Variants in KCNB2 observed in about 807,000 individuals in gnomAD.
KCNB2 encodes delayed rectifier potassium channel protein.
A neutral mutation model predicts 61.5 loss-of-function variants in KCNB2; 15 were observed. The observed-to-expected ratio is 0.24, with a 90% confidence interval of 0.16 to 0.38. KCNB2 has a LOEUF of 0.38. Among genes scored for constraint, KCNB2 ranks in the 10% least tolerant of loss-of-function variants. KCNB2 has a pLI of 1.00. For missense variants in KCNB2, 828 were observed against 1,125.2 expected (o/e 0.74, Z 3.78); for synonymous variants, 457 against 446.0 (o/e 1.02, Z -0.31).
At chr8:72,677,329 C>T (rs1461908703) in intron 2 of KCNB2, among the ~76,000 whole-genome samples, 1 of 152,106 alleles carries the variant, frequency 6.6e-6, no homozygotes, top group East Asian at 1.9e-4. Flanking sequence ...GTTAAAGCAG[C>T]CCTGGGAATC....
chr8:72,937,040 A>G lies in KCNB2; in HGVS notation c.1685A>G (p.Glu562Gly). Reference protein sequence around the residue: ...PHSHPNPDCQEKPERPSAYEE... With the variant: ...PHSHPNPDCQGKPERPSAYEE... ...TCTCACCCAAACCCAGACTGCCAAG[A>G]AAAGCCTGAGAGGCCATCTGCATAT... is the stretch of plus-strand genomic sequence containing the variant. Residue 562 changes from glutamate (E) to glycine (G), a missense_variant, in exon 3 of 3, where the codon GAA becomes GGA. Around this residue, in one of 4 missense-constraint regions of KCNB2, gnomAD observed 559 missense variants for 588.4 expected, o/e 0.95. Coordinates refer to ENST00000523207, the MANE Select transcript of KCNB2 (RefSeq NM_004770.3). 6.2e-7 allele frequency: 1 copy of G among 1,614,148 alleles called. No individual in the cohort carries two copies. Among genetic ancestry groups the G allele is most frequent in the Non-Finnish European group, 8.5e-7 (1 of 1,180,018 alleles).
chr8:72,576,762 T>C (rs994365292), intron 2 of KCNB2, among the ~76,000 whole-genome samples: 2 of 152,182 alleles, frequency 1.3e-5, no homozygotes, highest in Non-Finnish European at 2.9e-5. Context: ...ATGATCACTT[T>C]AGAGTTTATA....
At chr8:72,914,000 T>C (rs556059611) in intron 2 of KCNB2, among the ~76,000 whole-genome samples, 92 of 152,288 alleles carry the variant, frequency 6.0e-4, no homozygotes, top group Non-Finnish European at 9.3e-4. Context: ...CTGCAACAAA[T>C]ACCATATACT....
At chr8:72,748,986 T>A (rs1808135180) in intron 2 of KCNB2, among the ~76,000 whole-genome samples, 1 of 152,152 alleles carries the variant, frequency 6.6e-6, no homozygotes. Flanking sequence ...TTGTACCCTT[T>A]GACCAACACC....
At chr8:72,829,677 G>A (rs1227942309) in intron 2 of KCNB2, among the ~76,000 whole-genome samples, 2 of 152,084 alleles carry the variant, frequency 1.3e-5, no homozygotes, top group Non-Finnish European at 2.9e-5. Flanking sequence ...TGCAGCCTGG[G>A]TTTGGTGCTT....
At chr8:72,865,055 G>A (rs1027619316) in intron 2 of KCNB2, among the ~76,000 whole-genome samples, 2 of 152,086 alleles carry the variant, frequency 1.3e-5, no homozygotes, top group Non-Finnish European at 2.9e-5. Context: ...ACTCTCCTGG[G>A]AGAGGCCTTT....
rs1807620341 is a variant in KCNB2, at chr8:72,725,527, A to ATATATGTG, written c.579+157219_579+157220insGTGTATAT. 2.0e-3 allele frequency among the ~76,000 whole-genome samples: 183 copies of ATATATGTG among 90,950 alleles called. 1 individual carries two copies. Among genetic ancestry groups the ATATATGTG allele is most frequent in the African/African-American group, 8.2e-3 (174 of 21,132 alleles). 59.7% of individuals were successfully genotyped at this position (90,950 alleles called of 152,430 possible). A position where few individuals can be genotyped will look rare whatever the true frequency, so the allele number is the denominator to read the frequency against. On this transcript the variant is annotated intron_variant, in intron 2 of 2. Coordinates refer to ENST00000523207, the MANE Select transcript of KCNB2 (RefSeq NM_004770.3). ...TTTGTCTTCATATATATATATATAT[A>ATATATGTG]TATATATATATATGTGTGTATATAT... is the stretch of plus-strand genomic sequence containing the variant.
chr8:72,579,557 C>T (rs966453016), intron 2 of KCNB2, among the ~76,000 whole-genome samples: 14 of 152,248 alleles, frequency 9.2e-5, no homozygotes, highest in Non-Finnish European at 1.8e-4. Flanking sequence ...GATTCTTCAC[C>T]CACCCTCTGC....
intron 2 of KCNB2, among the ~76,000 whole-genome samples, chr8:72,832,533 C>T (rs146348391): frequency 5.9e-5 from 9 of 152,192 alleles, no homozygotes; most frequent in African/African-American, 2.2e-4. Flanking sequence ...AAAATTAAAG[C>T]AGTACCAGAG....
chr8:72,748,360 C>T (rs550887102), intron 2 of KCNB2, among the ~76,000 whole-genome samples: 1 of 152,264 alleles, frequency 6.6e-6, no homozygotes, highest in South Asian at 2.1e-4. Context: ...CTTCAACAGA[C>T]CTCCCAACCT....
chr8:72,544,629 C>T (rs1244609213), intron 1 of KCNB2, among the ~76,000 whole-genome samples: 1 of 152,132 alleles, frequency 6.6e-6, no homozygotes, highest in Non-Finnish European at 1.5e-5. Context: ...TTCCACCTCC[C>T]AATACAGGTC....
chr8:72,652,579 C>T (rs1806229099), intron 2 of KCNB2, among the ~76,000 whole-genome samples: 1 of 152,112 alleles, frequency 6.6e-6, no homozygotes, highest in Non-Finnish European at 1.5e-5. Context: ...CTATAAATCT[C>T]ACTAAGATCT....
chr8:72,800,377 G>A (rs1050112618), intron 2 of KCNB2, among the ~76,000 whole-genome samples: 6 of 152,282 alleles, frequency 3.9e-5, no homozygotes, highest in East Asian at 1.9e-4. Context: ...TGTTTACAGC[G>A]TTCAACACCT....
chr8:72,828,197 T>C (rs1809630477), intron 2 of KCNB2, among the ~76,000 whole-genome samples: 1 of 152,208 alleles, frequency 6.6e-6, no homozygotes, highest in African/African-American at 2.4e-5. Context: ...ATTGTAAACA[T>C]GGTCTTAAAT....
rs537263702 is a variant in KCNB2 at position 72,936,801 on chromosome 8, C to T, written c.1446C>T (p.Ala482=). The change falls in exon 3 of 3, where the codon GCC becomes GCT. Residue 482 remains alanine (A), a synonymous_variant. Coordinates refer to ENST00000523207, the MANE Select transcript of KCNB2 (RefSeq NM_004770.3). The surrounding 1 kb of genome is among the most constrained non-coding windows in gnomAD (Gnocchi z 5.6). The part of the protein sequence containing the change: ...AGESANTKDS[A]DDNHLSPSRW... ...AGTCCGCCAACACAAAGGACTCCGC[C>T]GACGATAATCACCTGTCGCCAAGCC... is the stretch of plus-strand genomic sequence containing the variant. 3 of 1,614,084 alleles carry T rather than the reference C, an allele frequency of 1.9e-6. No individual in the cohort carries two copies. Among genetic ancestry groups the T allele is most frequent in the East Asian group, 2.2e-5 (1 of 44,876 alleles).
chr8:72,641,814 T>C (rs1806060303), intron 2 of KCNB2, among the ~76,000 whole-genome samples: 1 of 152,122 alleles, frequency 6.6e-6, no homozygotes, highest in African/African-American at 2.4e-5. Context: ...ATCAATAACA[T>C]ACTGTATATA....
At chr8:72,586,181 A>T (rs954685808) in intron 2 of KCNB2, among the ~76,000 whole-genome samples, 3 of 152,188 alleles carry the variant, frequency 2.0e-5, no homozygotes, top group Non-Finnish European at 2.9e-5. Context: ...ACTTTTATAA[A>T]ATTAGCCACT....
chr8:72,842,879 A>G (rs1347531628), intron 2 of KCNB2, among the ~76,000 whole-genome samples: 1 of 152,132 alleles, frequency 6.6e-6, no homozygotes, highest in East Asian at 1.9e-4. Flanking sequence ...ATCTTTTCAG[A>G]AAAACAGCTC....
intron 2 of KCNB2, among the ~76,000 whole-genome samples, chr8:72,652,696 C>T (rs927416633): frequency 7.2e-5 from 11 of 152,048 alleles, no homozygotes; most frequent in East Asian, 1.9e-4. Flanking sequence ...CTGACTGGTG[C>T]GCTGCCATGC....
Sources: gnomAD v4.1 joint callset for allele counts (sites outside exome capture counted in the v4.1 genomes callset) on GRCh38, gnomAD v4.1.1 for gene constraint, gnomAD v4.1.1 regional missense constraint, Gnocchi (gnomAD v3.1) non-coding constraint, MANE v1.5 for transcripts, NCBI Gene and HGNC (gene_info 2026-07-23, HGNC 2026-07-21) for gene names.